The following KDM6A variants were observed in gnomAD, a reference collection of about 807,000 sequenced individuals.
The protein encoded by KDM6A is lysine demethylase 6A.
In KDM6A, 11 loss-of-function variants were observed where a neutral mutation model predicts 117.6. The observed-to-expected ratio is 0.09, with a 90% CI of 0.06 to 0.15. The LOEUF (loss-of-function observed/expected upper bound fraction) is 0.15. KDM6A is among the 10% of genes least tolerant of loss of function. The pLI is 1.00. For synonymous variants in KDM6A, 384 were observed against 396.1 expected (o/e 0.97, Z 0.36); for missense variants, 799 against 1,077.3 (o/e 0.74, Z 3.62).
chrX:45,003,416 T>A (rs886985389), intron 4 of KDM6A, among the ~76,000 whole-genome samples: 1 of 96,921 alleles, frequency 1.0e-5, no homozygotes, highest in Non-Finnish European at 2.0e-5. Flanking sequence ...TTTTTTTTTT[T>A]AACAGAATAG....
In KDM6A at chrX:45,063,391, A is replaced by G. The variant is rs999433280; in HGVS notation, c.1684-31A>G. On this transcript the variant is annotated intron_variant, in intron 16 of 29. Coordinates refer to ENST00000611820, the MANE Select transcript of KDM6A (RefSeq NM_001291415.2). ...TCTCTTCCCTATAGATTACACAACC[A>G]GCATTTACTTTTCCTTTGTTTTTTT... 4 of 1,185,835 alleles carry G rather than the reference A, an allele frequency of 3.4e-6. No homozygotes were observed. In the African/African-American group the frequency reaches 5.3e-5, roughly 16 times the overall value.
At chrX:45,012,833 A>G (rs1163694050) in intron 5 of KDM6A, among the ~76,000 whole-genome samples, 2 of 111,609 alleles carry the variant, frequency 1.8e-5, no homozygotes, top group Non-Finnish European at 3.8e-5. Flanking sequence ...ACCTGTGTGT[A>G]TATAGTGTAT....
At chrX:44,986,535 C>G (rs1221833036) in intron 4 of KDM6A, among the ~76,000 whole-genome samples, 1 of 111,694 alleles carries the variant, frequency 9.0e-6, no homozygotes, top group Non-Finnish European at 1.9e-5. Context: ...CCTGCTTTCT[C>G]TTGTGGGCAT....
chrX:44,961,497 CAAACT>C (rs1703893900), intron 3 of KDM6A, 105 bp downstream of exon 3: 3 of 509,367 alleles, frequency 5.9e-6, no homozygotes, highest in Non-Finnish European at 9.9e-6. Flanking sequence ...AGTGCATGAG[CAAACT>C]AAACAATGAG....
intron 2 of KDM6A, among the ~76,000 whole-genome samples, chrX:44,945,006 G>C (rs1222469666): frequency 9.0e-6 from 1 of 111,583 alleles, no homozygotes; most frequent in Non-Finnish European, 1.9e-5. Flanking sequence ...GTCTTCTGGT[G>C]ATGAATTCTT....
intron 27 of KDM6A, among the ~76,000 whole-genome samples, chrX:45,105,314 G>T (rs951698165): frequency 8.9e-6 from 1 of 111,749 alleles, no homozygotes; most frequent in Admixed American, 9.5e-5. Flanking sequence ...TTTCTCCCAG[G>T]GTTGTTAGGA....
chrX:44,951,623 T>G (rs2038009499), intron 2 of KDM6A, among the ~76,000 whole-genome samples: 1 of 111,565 alleles, frequency 9.0e-6, no homozygotes, highest in Non-Finnish European at 1.9e-5. Flanking sequence ...GAACTGAGGC[T>G]AAGTCTGGGA....
intron 4 of KDM6A, among the ~76,000 whole-genome samples, chrX:44,983,484 A>G (rs755650665): frequency 9.0e-6 from 1 of 110,708 alleles, no homozygotes; most frequent in African/African-American, 3.3e-5. Flanking sequence ...ACATATGTAT[A>G]CATGTGCCAT....
chrX:45,052,512 T>C (rs771711969), intron 9 of KDM6A, among the ~76,000 whole-genome samples: 2 of 112,076 alleles, frequency 1.8e-5, no homozygotes, highest in East Asian at 5.6e-4. Context: ...TCATTATCTT[T>C]AGATAATATA....
intron 2 of KDM6A, among the ~76,000 whole-genome samples, chrX:44,939,910 A>G (rs188717515): frequency 1.8e-5 from 2 of 112,529 alleles, no homozygotes; most frequent in East Asian, 2.8e-4. Flanking sequence ...TGCATGTGTA[A>G]TAGACTATTG....
chrX:44,909,010 C>A (rs2034908040), intron 2 of KDM6A, among the ~76,000 whole-genome samples: 1 of 112,054 alleles, frequency 8.9e-6, no homozygotes, highest in Admixed American at 9.4e-5. Flanking sequence ...TGAATTATCA[C>A]ATAGTAAACA....
intron 7 of KDM6A, 62 bp from the exon 8 acceptor site, chrX:45,037,593 T>C: frequency 2.2e-6 from 2 of 910,015 alleles, no homozygotes; most frequent in Non-Finnish European, 1.6e-6. Flanking sequence ...TATTCTTACT[T>C]AATTTGCCCC....
At position 44,967,264 on chromosome X, in the gene KDM6A, A is replaced by T. The variant is rs1417635115; in HGVS notation, c.334+5872A>T. Among the ~76,000 whole-genome samples, 3 of 111,187 alleles carry T rather than the reference A, an allele frequency of 2.7e-5. No individual in the cohort carries two copies. In the East Asian group the frequency reaches 8.4e-4, roughly 31 times the overall value. Reference sequence around the variant, plus strand: ...AGCCCTCTCCCTTCCTCTCCAACACATACTCATACCCTCAAGATTACCAGT... The same window carrying T: ...AGCCCTCTCCCTTCCTCTCCAACACTTACTCATACCCTCAAGATTACCAGT... On this transcript the variant is annotated intron_variant, in intron 3 of 29. Transcript: ENST00000611820.
At chrX:44,894,489 T>G (rs1445927719) in intron 2 of KDM6A, among the ~76,000 whole-genome samples, 1 of 111,359 alleles carries the variant, frequency 9.0e-6, no homozygotes, top group East Asian at 2.8e-4. Context: ...TTGTTCATAG[T>G]ATTATTCCCA....
chrX:45,080,568 C>T (rs982621901), intron 21 of KDM6A, among the ~76,000 whole-genome samples: 1 of 112,073 alleles, frequency 8.9e-6, no homozygotes, highest in Non-Finnish European at 1.9e-5. Context: ...ATTAGATTTG[C>T]TTGTTGTCTT....
chrX:44,992,405 G>T (rs1212858015), intron 4 of KDM6A, among the ~76,000 whole-genome samples: 17 of 107,934 alleles, frequency 1.6e-4, no homozygotes, highest in Non-Finnish European at 2.9e-4. Context: ...TGTATTTTTA[G>T]TAGAGATGGG....
At chrX:44,879,029 T>C (rs2031981722) in intron 2 of KDM6A, among the ~76,000 whole-genome samples, 1 of 111,664 alleles carries the variant, frequency 9.0e-6, no homozygotes, top group Non-Finnish European at 1.9e-5. Context: ...GCCAATATCT[T>C]AAGCTGTTAA....
At chrX:44,969,720 C>A (rs2039242669) in intron 3 of KDM6A, among the ~76,000 whole-genome samples, 1 of 111,414 alleles carries the variant, frequency 9.0e-6, no homozygotes, top group Non-Finnish European at 1.9e-5. Context: ...CCGGCCCTCT[C>A]TTTTTGTCTT....
At chrX:45,011,142 A>C in intron 5 of KDM6A, 123 bp downstream of exon 5, 1 of 502,565 alleles carries the variant, frequency 2.0e-6, no homozygotes, top group South Asian at 3.1e-5. Context: ...CATTAAACCT[A>C]CACTTTTCAG....
Sources: allele counts gnomAD v4.1 joint callset (sites outside exome capture counted in the v4.1 genomes callset), GRCh38; gene constraint gnomAD v4.1.1; transcripts MANE v1.5; gene names NCBI Gene and HGNC (gene_info 2026-07-23, HGNC 2026-07-21).